Variants in ARID1B observed in about 807,000 individuals in gnomAD.
ARID1B encodes AT-rich interactive domain-containing protein 1B.
ARID1B carries 30 observed loss-of-function variants against 212.3 expected under a neutral mutation model. The ratio of observed to expected loss-of-function variants is 0.14; its 90% CI spans 0.11 to 0.19. The LOEUF is 0.19. ARID1B is among the 10% of genes least tolerant of loss of function. The probability of loss-of-function intolerance (pLI) is 1.00; values close to 1 mark genes in which losing one functional copy is unlikely to be tolerated. For synonymous variants in ARID1B, 1,402 were observed against 1,301.7 expected (o/e 1.08, Z -1.66); for missense variants, 2,891 against 3,204.0 (o/e 0.90, Z 2.36).
At chr6:156,971,204 G>T (rs138654920) in intron 4 of ARID1B, among the ~76,000 whole-genome samples, 86 of 152,242 alleles carry the variant, frequency 5.6e-4, no homozygotes, top group African/African-American at 2.1e-3. Context: ...TACTTTCCTT[G>T]TGGTCTTGGA....
At chr6:156,989,671 G>C (rs989063215) in intron 4 of ARID1B, among the ~76,000 whole-genome samples, 2 of 152,144 alleles carry the variant, frequency 1.3e-5, no homozygotes, top group African/African-American at 4.8e-5. Context: ...TACCCCACAG[G>C]CTAGTCTGAG....
intron 4 of ARID1B, among the ~76,000 whole-genome samples, chr6:156,956,444 G>A (rs534881280): frequency 6.6e-6 from 1 of 152,262 alleles, no homozygotes; most frequent in East Asian, 1.9e-4. Context: ...TAGCAGTGGA[G>A]TGGCAGATAG....
At chr6:157,060,135 G>A (rs1783245442) in intron 4 of ARID1B, among the ~76,000 whole-genome samples, 1 of 152,162 alleles carries the variant, frequency 6.6e-6, no homozygotes, top group African/African-American at 2.4e-5. Context: ...CCAACTCCCT[G>A]TCTAGATACC....
At chr6:157,063,654 T>G (rs762784396) in intron 4 of ARID1B, among the ~76,000 whole-genome samples, 7 of 152,342 alleles carry the variant, frequency 4.6e-5, no homozygotes, top group Non-Finnish European at 1.0e-4. Flanking sequence ...TCATACGAAA[T>G]GTACTTCTAA....
At chr6:157,107,685 CATTGCTGAGGAA>C (rs2128509845) in intron 5 of ARID1B, 1 of 152,162 alleles carries the variant, frequency 6.6e-6, no homozygotes, top group African/African-American at 2.4e-5. Context: ...TCATAATAGA[CATTGCTGAGGAA>C]AGAACACGGG....
chr6:157,201,576 T>G lies in ARID1B; in HGVS notation c.5263+88T>G, dbSNP rs1317836780. 3 of 1,396,736 alleles carry G rather than the reference T, an allele frequency of 2.1e-6. No homozygotes were observed. The highest frequency in any genetic ancestry group is 2.8e-6 in the Non-Finnish European group (3 of 1,054,250). The allele number at this position is 1,396,736 out of a possible 1,614,324, so 86.5% of individuals were successfully genotyped here. On this transcript the variant is annotated intron_variant, in intron 18 of 19. Coordinates refer to ENST00000636930, the MANE Select transcript of ARID1B (RefSeq NM_001374828.1). This position sits in a 1 kb window ranked among gnomAD's most constrained non-coding sequence, Gnocchi z 5.2. ...AGTAAAGATGCTGTTCCTGCTCATC[T>G]TAAAGGGATGAAAAAATTATGACTA...
At chr6:156,994,555 C>T (rs964278120) in intron 4 of ARID1B, among the ~76,000 whole-genome samples, 5 of 152,114 alleles carry the variant, frequency 3.3e-5, no homozygotes, top group Admixed American at 1.3e-4. Context: ...AGTCCTCATT[C>T]CTGGATAATC....
At chr6:157,002,997 G>A (rs2128433505) in intron 4 of ARID1B, among the ~76,000 whole-genome samples, 1 of 152,286 alleles carries the variant, frequency 6.6e-6, no homozygotes, top group Non-Finnish European at 1.5e-5. Flanking sequence ...GTGTATTCCA[G>A]GAATTCCAAG....
intron 6 of ARID1B, among the ~76,000 whole-genome samples, chr6:157,125,426 G>A (rs980552125): frequency 2.6e-5 from 4 of 152,170 alleles, no homozygotes; most frequent in African/African-American, 9.7e-5. Context: ...CCAAGTAAAA[G>A]GGTACCTCAA....
chr6:156,889,337 C>T (rs1480643123), intron 2 of ARID1B, among the ~76,000 whole-genome samples: 1 of 152,136 alleles, frequency 6.6e-6, no homozygotes, highest in East Asian at 1.9e-4. Context: ...TCTGTGGTAT[C>T]GAATACTCTC....
Position 157,064,622 on chromosome 6 carries a change from G to A in ARID1B, c.2248-20040G>A, listed in dbSNP as rs377754430. ...ACAACCCTGGCTTTCTGGATTCGCC[G>A]AGAACACTTCCAAATGCACCTTTAG... is the stretch of plus-strand genomic sequence containing the variant. On this transcript the variant is annotated intron_variant, in intron 4 of 19. Transcript: ENST00000636930. Among the ~76,000 whole-genome samples the A allele has an allele frequency of 2.3e-4, 35 of 152,224 alleles. No homozygotes were observed. In the South Asian group the frequency reaches 6.2e-3, roughly 27 times the overall value.
chr6:156,821,169 G>A (rs1217103613), intron 1 of ARID1B, among the ~76,000 whole-genome samples: 3 of 152,186 alleles, frequency 2.0e-5, no homozygotes, highest in African/African-American at 7.2e-5. Flanking sequence ...ATGCAAACAA[G>A]CGGAGATAAA....
intron 7 of ARID1B, among the ~76,000 whole-genome samples, chr6:157,134,136 C>T (rs995861730): frequency 2.6e-5 from 4 of 152,108 alleles, no homozygotes; most frequent in Non-Finnish European, 5.9e-5. Context: ...AAATGTTTAC[C>T]ACTTCTACAA....
chr6:156,913,150 C>T (rs1051156241), intron 3 of ARID1B, among the ~76,000 whole-genome samples: 1 of 150,566 alleles, frequency 6.6e-6, no homozygotes, highest in African/African-American at 2.4e-5. Context: ...TTAACATATA[C>T]ATTACCTCAC....
At chr6:156,793,422 A>G (rs938971046) in intron 1 of ARID1B, among the ~76,000 whole-genome samples, 11 of 151,958 alleles carry the variant, frequency 7.2e-5, no homozygotes, top group Admixed American at 3.9e-4. Context: ...TCATGGCTCG[A>G]CTTTCTGGGC....
chr6:156,911,529 C>T (rs940880991), intron 3 of ARID1B, among the ~76,000 whole-genome samples: 1 of 151,928 alleles, frequency 6.6e-6, no homozygotes, highest in African/African-American at 2.4e-5. Context: ...CTAACTACTC[C>T]GTTGAAATTT....
At chr6:156,983,734 C>G (rs937984763) in intron 4 of ARID1B, among the ~76,000 whole-genome samples, 1 of 152,022 alleles carries the variant, frequency 6.6e-6, no homozygotes, top group Non-Finnish European at 1.5e-5. Context: ...GAGCCCTACT[C>G]GTTTCTGGTT....
intron 4 of ARID1B, chr6:156,941,188 A>C (rs1792647522): frequency 6.6e-6 from 1 of 152,142 alleles, no homozygotes; most frequent in South Asian, 2.1e-4. Flanking sequence ...AGTATTCTCA[A>C]AATGTTATTA....
At chr6:157,089,579 G>A (rs1193108664) in intron 5 of ARID1B, among the ~76,000 whole-genome samples, 1 of 152,166 alleles carries the variant, frequency 6.6e-6, no homozygotes, top group East Asian at 1.9e-4. Flanking sequence ...TCTATAGTTA[G>A]AAGGTAAAGA....
Sources: allele counts gnomAD v4.1 joint callset (sites outside exome capture counted in the v4.1 genomes callset), GRCh38; gene constraint gnomAD v4.1.1; non-coding constraint Gnocchi (gnomAD v3.1); transcripts MANE v1.5; gene names NCBI Gene and HGNC (gene_info 2026-07-23, HGNC 2026-07-21).